Variants in CDH23 observed in about 807,000 individuals in gnomAD.
CDH23 encodes cadherin-23.
A neutral mutation model predicts 317.1 loss-of-function variants in CDH23; 189 were observed. The ratio of observed to expected loss-of-function variants is 0.60; its 90% confidence interval spans 0.53 to 0.67. The LOEUF is 0.67. Ranked by LOEUF, CDH23 falls within the 30% of genes least tolerant of loss-of-function variation. The probability of loss-of-function intolerance (pLI) is 0.00; values close to 1 mark genes in which losing one functional copy is unlikely to be tolerated. For missense variants in CDH23, 4,401 were observed against 4,592.4 expected (o/e 0.96, Z 1.20); for synonymous variants, 1,839 against 1,876.8 (o/e 0.98, Z 0.52).
chr10:71,815,908 T>G lies in CDH23; in HGVS notation c.*630T>G, dbSNP rs1429158277. On this transcript the variant is annotated 3_prime_UTR_variant, in exon 70 of 70. Transcript: ENST00000224721. ...TCCCTCCGGTTTTGAATGTGGAGTG[T>G]TTGTGTGTGTTCCTTTTTTAAATTA... 6.3e-6 allele frequency: 1 copy of G among 159,170 alleles called. No homozygotes were observed. The highest frequency in any genetic ancestry group is 5.9e-5 in the Admixed American group (1 of 16,814). 9.9% of individuals were successfully genotyped at this position (159,170 alleles called of 1,614,324 possible). A position where few individuals can be genotyped will look rare whatever the true frequency, so the allele number is the denominator to read the frequency against.
intron 3 of CDH23, among the ~76,000 whole-genome samples, chr10:71,505,400 T>A (rs1853577200): frequency 6.6e-6 from 1 of 152,216 alleles, no homozygotes; most frequent in Admixed American, 6.5e-5. Context: ...GGTTCTAACA[T>A]GATGATGATA....
At chr10:71,583,336 C>A (rs1353120115) in intron 9 of CDH23, among the ~76,000 whole-genome samples, 1 of 151,922 alleles carries the variant, frequency 6.6e-6, no homozygotes, top group Non-Finnish European at 1.5e-5. Flanking sequence ...AGAATGCCAG[C>A]CCTGGTCCTG....
At chr10:71,415,978 T>A (rs1353664103) in intron 1 of CDH23, among the ~76,000 whole-genome samples, 1 of 152,258 alleles carries the variant, frequency 6.6e-6, no homozygotes, top group Non-Finnish European at 1.5e-5. Flanking sequence ...TATTGTATAC[T>A]GTGTTCAATT....
At chr10:71,661,756 C>A (rs1351498081) in intron 14 of CDH23, among the ~76,000 whole-genome samples, 1 of 103,866 alleles carries the variant, frequency 9.6e-6, no homozygotes, top group Admixed American at 9.3e-5. Flanking sequence ...TCCCACCCTG[C>A]GCGCCCCCTC....
intron 24 of CDH23, among the ~76,000 whole-genome samples, chr10:71,703,142 A>G (rs1030041922): frequency 2.0e-5 from 3 of 152,212 alleles, no homozygotes; most frequent in African/African-American, 7.2e-5. Context: ...GACTTGCCCA[A>G]GACCCCTTGG....
intron 9 of CDH23, among the ~76,000 whole-genome samples, chr10:71,597,108 G>A (rs1859907577): frequency 6.6e-6 from 1 of 152,144 alleles, no homozygotes; most frequent in Admixed American, 6.5e-5. Flanking sequence ...TTATATCATA[G>A]GCCCCACGCC....
At chr10:71,470,815 A>G (rs1851470750) in intron 3 of CDH23, among the ~76,000 whole-genome samples, 6 of 152,132 alleles carry the variant, frequency 3.9e-5, no homozygotes, top group Admixed American at 3.3e-4. Context: ...TAGCCATTCT[A>G]ATACTTATGT....
intron 1 of CDH23, among the ~76,000 whole-genome samples, chr10:71,419,007 T>C (rs1374982988): frequency 6.6e-6 from 1 of 152,232 alleles, no homozygotes; most frequent in African/African-American, 2.4e-5. Context: ...TAATACATTT[T>C]TAGCTTTGTT....
At chr10:71,524,158 T>A (rs931628630) in intron 6 of CDH23, among the ~76,000 whole-genome samples, 2 of 152,210 alleles carry the variant, frequency 1.3e-5, no homozygotes, top group Middle Eastern at 3.2e-3. Flanking sequence ...GACTATTTGA[T>A]CACTGTTAGC....
At chr10:71,695,833 G>C (rs1387985277) in intron 22 of CDH23, among the ~76,000 whole-genome samples, 1 of 152,134 alleles carries the variant, frequency 6.6e-6, no homozygotes, top group African/African-American at 2.4e-5. Flanking sequence ...CGTGCCCTTA[G>C]AGCCCAGGAC....
chr10:71,677,764 CT>C (rs1269610204), intron 16 of CDH23, 71 bp downstream of exon 16: 4 of 1,324,622 alleles, frequency 3.0e-6, no homozygotes, highest in South Asian at 2.5e-5. Context: ...TTGCTTGCTT[CT>C]TTTTTGTTTT....
chr10:71,446,377 A>G lies in CDH23; in HGVS notation c.127A>G (p.Ser43Gly), dbSNP rs375566405. Residue 43 changes from serine to glycine, a missense_variant, in exon 3 of 70, where the codon AGC (serine) becomes GGC (glycine). Physicochemically the swap from Ser to Gly is moderately conservative, Grantham distance 56. Transcript: ENST00000224721. ...CTTCTTTGATACATACCTGCTGATC[A>G]GCGAGGACACGCCTGTGGGTGAGTG... The part of the protein sequence containing the change: ...NHFFDTYLLI[S>G]EDTPVGSSVT... The G allele has an allele frequency of 6.2e-7, 1 of 1,614,052 alleles. No homozygotes were observed. The highest frequency in any genetic ancestry group is 8.5e-7 in the Non-Finnish European group (1 of 1,179,890).
rs1467485740 is a variant in CDH23 at position 71,712,764 on chromosome 10, A to G, written c.3320A>G (p.Tyr1107Cys). The G allele has an allele frequency of 5.0e-6, 8 of 1,613,334 alleles. No individual in the cohort carries two copies. Among genetic ancestry groups the G allele is most frequent in the African/African-American group, 1.3e-5 (1 of 74,954 alleles). ...CGGCCCATCTTTCTGCAGAGCAGCT[A>G]TGAGGCCAGCGTCCCTGAGGACATC... ...DNRPIFLQSS[Y>C]EASVPEDIPE... The change falls in exon 28 of 70, where the codon TAT becomes TGT. Residue 1107 changes from tyrosine (Y) to cysteine (C), a missense_variant. Transcript: ENST00000224721.
intron 38 of CDH23, among the ~76,000 whole-genome samples, chr10:71,746,620 G>A (rs961085931): frequency 1.3e-5 from 2 of 152,184 alleles, no homozygotes; most frequent in Admixed American, 1.3e-4. Flanking sequence ...AGGAAGAGCT[G>A]GGCCCAGGGA....
In CDH23 at chr10:71,802,885, T is replaced by G; in HGVS notation, c.7483-13T>G. The G allele has an allele frequency of 6.2e-7, 1 of 1,613,886 alleles. No homozygotes were observed. Among genetic ancestry groups the G allele is most frequent in the Non-Finnish European group, 8.5e-7 (1 of 1,179,822 alleles). ...CTGCTCCTTACCTTTGGCCTTGACCTCCATCCACCCAGGTGGTGATCCAAG... is the reference window on the plus strand; with the variant it reads ...CTGCTCCTTACCTTTGGCCTTGACCGCCATCCACCCAGGTGGTGATCCAAG... On this transcript the variant is annotated splice_polypyrimidine_tract_variant and intron_variant, in intron 53 of 69. Transcript: ENST00000224721.
chr10:71,435,488 G>A (rs1322083172), intron 1 of CDH23, among the ~76,000 whole-genome samples: 2 of 152,226 alleles, frequency 1.3e-5, no homozygotes, highest in African/African-American at 4.8e-5. Flanking sequence ...GGAGTCTGAG[G>A]GCTTTGGGGA....
intron 14 of CDH23, among the ~76,000 whole-genome samples, chr10:71,665,512 G>A (rs1010057415): frequency 6.6e-6 from 1 of 152,240 alleles, no homozygotes; most frequent in Non-Finnish European, 1.5e-5. Context: ...CTGGGGAAGA[G>A]TGACTTAGCA....
At chr10:71,507,458 G>A (rs997172273) in intron 3 of CDH23, among the ~76,000 whole-genome samples, 2 of 152,222 alleles carry the variant, frequency 1.3e-5, no homozygotes, top group African/African-American at 2.4e-5. Context: ...TTGGTAGGCC[G>A]AGGTGGGCAG....
chr10:71,615,062 C>G (rs1031340927), intron 9 of CDH23, among the ~76,000 whole-genome samples: 1 of 152,066 alleles, frequency 6.6e-6, no homozygotes, highest in African/African-American at 2.4e-5. Context: ...CTAGACTAGA[C>G]TAGAATAGAA....
Sources: gnomAD v4.1 joint callset for allele counts (sites outside exome capture counted in the v4.1 genomes callset) on GRCh38, gnomAD v4.1.1 for gene constraint, MANE v1.5 for transcripts, NCBI Gene and HGNC (gene_info 2026-07-23, HGNC 2026-07-21) for gene names.